DSC2: variants seen among roughly 807,000 people sequenced by gnomAD.
The protein encoded by DSC2 is desmocollin 2, also known as desmocollin-2.
A neutral mutation model predicts 87.6 loss-of-function variants in DSC2; 51 were observed. The observed-to-expected ratio is 0.58, with a 90% confidence interval of 0.46 to 0.74. DSC2 has a LOEUF of 0.74. DSC2 is among the 30% of genes least tolerant of loss of function. DSC2 has a pLI of 0.00. For synonymous variants in DSC2, 383 were observed against 393.2 expected (o/e 0.97, Z 0.31); for missense variants, 1,066 against 1,089.5 (o/e 0.98, Z 0.30).
intron 4 of DSC2, among the ~76,000 whole-genome samples, chr18:31,089,944 T>G (rs1335931056): frequency 6.6e-6 from 1 of 152,168 alleles, no homozygotes; most frequent in Admixed American, 6.5e-5. Context: ...TTTAAAAAAC[T>G]GAGTTTTTAT....
Position 31,062,455 on chromosome 18 carries a change from C to T in DSC2, c.*5560G>A, listed in dbSNP as rs1051215748. Reference sequence around the variant, plus strand: ...AACCTGGCAATGATGAAGTGACAGTCGCAAACATAATTTTCACATTGGCTA... The same window carrying T: ...AACCTGGCAATGATGAAGTGACAGTTGCAAACATAATTTTCACATTGGCTA... On this transcript the variant is annotated 3_prime_UTR_variant, in exon 16 of 16. Coordinates refer to ENST00000280904, the MANE Select transcript of DSC2 (RefSeq NM_024422.6). The T allele has an allele frequency of 5.3e-5, 8 of 151,658 alleles. No individual in the cohort carries two copies. The highest frequency in any genetic ancestry group is 1.7e-4 in the African/African-American group (7 of 41,288). 9.4% of individuals were successfully genotyped at this position (151,658 alleles called of 1,614,324 possible). A position where few individuals can be genotyped will look rare whatever the true frequency, so the allele number is the denominator to read the frequency against.
intron 3 of DSC2, 83 bp from the exon 4 acceptor site, chr18:31,091,230 C>T (rs1289093977): frequency 1.3e-6 from 2 of 1,556,206 alleles, no homozygotes; most frequent in Non-Finnish European, 1.8e-6. Flanking sequence ...TCTTTCTCCT[C>T]TCAGGAGGAT....
At chr18:31,086,971 A>C (rs1253673818) in intron 6 of DSC2, among the ~76,000 whole-genome samples, 2 of 152,102 alleles carry the variant, frequency 1.3e-5, no homozygotes, top group African/African-American at 4.8e-5. Context: ...TATTGTATTT[A>C]ATGTATGATT....
At chr18:31,089,144 G>A (rs1395790530) in intron 5 of DSC2, among the ~76,000 whole-genome samples, 1 of 136,986 alleles carries the variant, frequency 7.3e-6, no homozygotes, top group Non-Finnish European at 1.5e-5. Flanking sequence ...CAGCCTGGGT[G>A]GCAAAGTGAG....
At chr18:31,074,449 G>C (rs1411149743) in intron 12 of DSC2, among the ~76,000 whole-genome samples, 4 of 151,054 alleles carry the variant, frequency 2.6e-5, no homozygotes, top group South Asian at 2.1e-4. Flanking sequence ...GTGTGTGTGT[G>C]TGTGTGTGTG....
chr18:31,085,077 C>T (rs1405920796), intron 7 of DSC2, among the ~76,000 whole-genome samples: 2 of 152,008 alleles, frequency 1.3e-5, no homozygotes, highest in African/African-American at 4.8e-5. Flanking sequence ...TCAGAGTCCA[C>T]ATTACCAAAA....
chr18:31,100,527 G>A (rs974873582), intron 1 of DSC2, among the ~76,000 whole-genome samples: 1 of 152,172 alleles, frequency 6.6e-6, no homozygotes, highest in Non-Finnish European at 1.5e-5. Flanking sequence ...TAACTGCTGT[G>A]TACTTGGCCC....
chr18:31,075,240 A>G (rs1403951798), intron 11 of DSC2, among the ~76,000 whole-genome samples: 1 of 152,162 alleles, frequency 6.6e-6, no homozygotes, highest in Non-Finnish European at 1.5e-5. Context: ...ATTCAAGGAG[A>G]TGGAAACGCA....
At position 31,061,216 on chromosome 18, in the gene DSC2, A is replaced by T; in HGVS notation, c.*6799T>A. On this transcript the variant is annotated 3_prime_UTR_variant, in exon 16 of 16. Coordinates refer to ENST00000280904, the MANE Select transcript of DSC2 (RefSeq NM_024422.6). ...CGAATATATCAGCAAGTTTGCCTTC[A>T]TATTTGTTAACTGAAAAGCAGTGAG... is the stretch of plus-strand genomic sequence containing the variant. The T allele has an allele frequency of 6.6e-6, 1 of 152,338 alleles. No individual in the cohort carries two copies. Among genetic ancestry groups the T allele is most frequent in the Admixed American group, 6.5e-5 (1 of 15,296 alleles). The allele number at this position is 152,338 out of a possible 1,614,324, so 9.4% of individuals were successfully genotyped here.
At chr18:31,100,827 C>T (rs1354964807) in intron 1 of DSC2, among the ~76,000 whole-genome samples, 1 of 152,144 alleles carries the variant, frequency 6.6e-6, no homozygotes, top group Non-Finnish European at 1.5e-5. Context: ...CCACACCTGT[C>T]GATTTTTTTC....
chr18:31,096,347 C>T lies in DSC2; in HGVS notation c.70-2704G>A, dbSNP rs563956756. Among the ~76,000 whole-genome samples, 3 of 152,306 alleles carry T rather than the reference C, an allele frequency of 2.0e-5. No homozygotes were observed. In the South Asian group the frequency reaches 6.2e-4, roughly 32 times the overall value. On this transcript the variant is annotated intron_variant, in intron 1 of 15. Transcript: ENST00000280904. ...CTGGAACACACAGTGATAAGAGGAA[C>T]TCAGGAACAACTTCTGATCTGCAAA...
In DSC2 at chr18:31,082,289, A is replaced by C; in HGVS notation, c.1212T>G (p.Phe404Leu). ...TILKGNENGNFKIVTDAKTNE... is the reference protein window; with the variant it reads ...TILKGNENGNLKIVTDAKTNE... Reference sequence around the variant, plus strand: ...TGGTTTTGGCATCTGTTACAATTTTAAAATTGCCATTTTCATTGCCCTTTA... The same window carrying C: ...TGGTTTTGGCATCTGTTACAATTTTCAAATTGCCATTTTCATTGCCCTTTA... The change falls in exon 9 of 16, where the codon TTT (phenylalanine) becomes TTG (leucine). Residue 404 changes from phenylalanine to leucine, a missense_variant. By Grantham distance (22) the Phe-to-Leu change is conservative (BLOSUM62 0). Transcript: ENST00000280904. 6.2e-7 allele frequency: 1 copy of C among 1,613,824 alleles called. No individual in the cohort carries two copies. Among genetic ancestry groups the C allele is most frequent in the Non-Finnish European group, 8.5e-7 (1 of 1,179,944 alleles).
chr18:31,100,990 G>A (rs1466926643), intron 1 of DSC2, among the ~76,000 whole-genome samples: 1 of 151,706 alleles, frequency 6.6e-6, no homozygotes, highest in Non-Finnish European at 1.5e-5. Flanking sequence ...CCCAAATAAG[G>A]CCAACCACTT....
At chr18:31,091,999 G>A in intron 3 of DSC2, 102 bp downstream of exon 3, 1 of 1,279,842 alleles carries the variant, frequency 7.8e-7, no homozygotes, top group Non-Finnish European at 1.1e-6. Context: ...TCGTCTTTAA[G>A]CCAAACTATA....
rs532879679 is a variant in DSC2, at chr18:31,066,840, A to G, written c.*1175T>C. ...AAGTTATAAAATAGTTACCCCAGGG[A>G]GCCTTCAAGATCCCTATATTTTAAA... On this transcript the variant is annotated 3_prime_UTR_variant, in exon 16 of 16. Transcript: ENST00000280904. 6.6e-6 allele frequency: 1 copy of G among 152,272 alleles called. No individual in the cohort carries two copies. The highest frequency in any genetic ancestry group is 2.4e-5 in the African/African-American group (1 of 41,582). The allele number at this position is 152,272 out of a possible 1,614,324, so 9.4% of individuals were successfully genotyped here.
In DSC2 at chr18:31,082,378, G is replaced by C. The variant is rs794728075; in HGVS notation, c.1123C>G (p.Arg375Gly). The change falls in exon 9 of 16, where the codon CGA becomes GGA. Residue 375 changes from arginine (R) to glycine (G), a missense_variant. Coordinates refer to ENST00000280904, the MANE Select transcript of DSC2 (RefSeq NM_024422.6). ...EENTVDVEIL[R>G]VTVEDKDLVN... Reference sequence around the variant, plus strand: ...AAGTCCTTATCCTCAACAGTAACTCGTAAGATTTCCACATCAACTGTATTT... The same window carrying C: ...AAGTCCTTATCCTCAACAGTAACTCCTAAGATTTCCACATCAACTGTATTT... 17 of 1,613,642 alleles carry C rather than the reference G, an allele frequency of 1.1e-5. No individual in the cohort carries two copies. The highest frequency in any genetic ancestry group is 2.7e-5 in the African/African-American group (2 of 74,990).
intron 1 of DSC2, among the ~76,000 whole-genome samples, chr18:31,100,856 A>G (rs1013389124): frequency 2.0e-5 from 3 of 152,028 alleles, no homozygotes; most frequent in African/African-American, 7.2e-5. Context: ...GGGAGCCAGG[A>G]AAAGTCCAAT....
rs1986644414 is a variant in DSC2, at chr18:31,067,056, T to G, written c.*959A>C. 2 of 151,484 alleles carry G rather than the reference T, an allele frequency of 1.3e-5. No individual in the cohort carries two copies. Among genetic ancestry groups the G allele is most frequent in the Admixed American group, 1.3e-4 (2 of 15,182 alleles). The allele number at this position is 151,484 out of a possible 1,614,324, so 9.4% of individuals were successfully genotyped here. On this transcript the variant is annotated 3_prime_UTR_variant, in exon 16 of 16. Transcript: ENST00000280904. ...ACAGTTTCAATGGCAAAATTAAAGGTTTTTTTTGTTGAAGAGATAATGAAG... is the reference window on the plus strand; with the variant it reads ...ACAGTTTCAATGGCAAAATTAAAGGGTTTTTTTGTTGAAGAGATAATGAAG...
intron 1 of DSC2, 172 bp downstream of exon 1, chr18:31,101,731 T>A: frequency 1.5e-6 from 1 of 665,382 alleles, no homozygotes; most frequent in Admixed American, 2.5e-5. Context: ...CAGGTCGCGA[T>A]CCTCTTCCTA....
Sources: allele counts gnomAD v4.1 joint callset (sites outside exome capture counted in the v4.1 genomes callset), GRCh38; gene constraint gnomAD v4.1.1; transcripts MANE v1.5; gene names NCBI Gene and HGNC (gene_info 2026-07-23, HGNC 2026-07-21).